The following CSMD3 variants were observed in gnomAD, a reference collection of about 807,000 sequenced individuals.
CSMD3 encodes the protein CUB and Sushi multiple domains 3, also known as CUB and sushi domain-containing protein 3.
Under a neutral mutation model 435.2 loss-of-function variants are expected in CSMD3, and 177 were observed. That is an observed-to-expected ratio of 0.41 (90% CI 0.36 to 0.46). The LOEUF (loss-of-function observed/expected upper bound fraction) is 0.46. CSMD3 is among the 20% of genes least tolerant of loss of function. CSMD3 has a pLI of 0.34. For missense variants in CSMD3, 4,265 were observed against 4,504.6 expected (o/e 0.95, Z 1.52); for synonymous variants, 1,656 against 1,520.5 (o/e 1.09, Z -2.07).
chr8:112,663,375 C>T (rs535010331), intron 17 of CSMD3, among the ~76,000 whole-genome samples: 36 of 151,128 alleles, frequency 2.4e-4, no homozygotes, highest in Non-Finnish European at 4.0e-4. Context: ...TCTCAGCAAA[C>T]TATCGCGAGG....
chr8:112,436,702 T>C (rs932718276), intron 32 of CSMD3, among the ~76,000 whole-genome samples: 1 of 151,696 alleles, frequency 6.6e-6, no homozygotes, highest in Non-Finnish European at 1.5e-5. Context: ...CATATACAGA[T>C]ATACACACAC....
rs778888234 is a variant in CSMD3 at position 112,408,351 on chromosome 8, T to C, written c.5572A>G (p.Ile1858Val). The change falls in exon 34 of 71, where the codon ATA becomes GTA. Residue 1858 changes from isoleucine (I) to valine (V), a missense_variant. Physicochemically the swap from Ile to Val is conservative, Grantham distance 29. Coordinates refer to ENST00000297405, the MANE Select transcript of CSMD3 (RefSeq NM_198123.2). ...ACAAAGTGAAATCCCTTAGCTGTTATTGGTCCAACTGAAGTAAATCGAATT... is the reference window on the plus strand; with the variant it reads ...ACAAAGTGAAATCCCTTAGCTGTTACTGGTCCAACTGAAGTAAATCGAATT... ...ITIRFTSVGP[I>V]TAKGFHFVYQ... 11 of 1,611,158 alleles carry C rather than the reference T, an allele frequency of 6.8e-6. No homozygotes were observed. The highest frequency in any genetic ancestry group is 1.1e-5 in the South Asian group (1 of 91,018).
chr8:113,411,185 T>A (rs1042586051), intron 1 of CSMD3, among the ~76,000 whole-genome samples: 3 of 151,888 alleles, frequency 2.0e-5, no homozygotes, highest in Non-Finnish European at 4.4e-5. Context: ...GTCAGGAAAA[T>A]ATTATGTGAG....
At position 112,265,509 on chromosome 8, in the gene CSMD3, T is replaced by A. The variant is rs2130413567; in HGVS notation, c.9590A>T (p.Tyr3197Phe). The A allele has an allele frequency of 6.2e-7, 1 of 1,613,486 alleles. No individual in the cohort carries two copies. Among genetic ancestry groups the A allele is most frequent in the Non-Finnish European group, 8.5e-7 (1 of 1,179,532 alleles). The change falls in exon 60 of 71, where the codon TAC (tyrosine) becomes TTC (phenylalanine). Residue 3197 changes from tyrosine (Y) to phenylalanine (F), a missense_variant. Physicochemically the swap from Tyr to Phe is conservative, Grantham distance 22. This residue lies in a region of CSMD3 where 3,255 missense variants were observed against 3,380.2 expected (regional missense o/e 0.96). Transcript: ENST00000297405. ...DDYVVGQNVS[Y>F]MCQPGYTMEL... ...CATCGTGTAGCCTGGCTGGCACATG[T>A]AAGAAACATTTTGTCCAACCACATA...
intron 59 of CSMD3, among the ~76,000 whole-genome samples, chr8:112,279,694 T>A (rs1818441979): frequency 6.6e-6 from 1 of 152,148 alleles, no homozygotes; most frequent in Non-Finnish European, 1.5e-5. Flanking sequence ...TGATAAAAAA[T>A]AATTGGCATG....
chr8:112,755,331 A>AAATAAG, intron 13 of CSMD3, among the ~76,000 whole-genome samples: 1 of 128,724 alleles, frequency 7.8e-6, no homozygotes, highest in Non-Finnish European at 1.6e-5. Flanking sequence ...ACTCCGTCTC[A>AAATAAG]AATAATAATA....
chr8:112,392,990 A>G (rs1830570157), intron 35 of CSMD3, among the ~76,000 whole-genome samples: 8 of 151,252 alleles, frequency 5.3e-5, no homozygotes, highest in Non-Finnish European at 1.5e-5. Context: ...CTCAGCCTAC[A>G]GAGTAGCTAG....
chr8:113,131,893 C>T (rs571319214), intron 4 of CSMD3, among the ~76,000 whole-genome samples: 1 of 152,192 alleles, frequency 6.6e-6, no homozygotes, highest in South Asian at 2.1e-4. Context: ...CAAGTTCTCA[C>T]TATTTTGCTC....
chr8:112,605,087 C>G (rs1323767569), intron 22 of CSMD3, among the ~76,000 whole-genome samples: 1 of 152,168 alleles, frequency 6.6e-6, no homozygotes, highest in Non-Finnish European at 1.5e-5. Context: ...GAGATATCAT[C>G]TGACACCAGC....
intron 13 of CSMD3, among the ~76,000 whole-genome samples, chr8:112,797,822 A>G (rs1003837543): frequency 6.6e-6 from 1 of 151,902 alleles, no homozygotes; most frequent in African/African-American, 2.4e-5. Flanking sequence ...ATGCAAAAAC[A>G]TGATTTTCAC....
chr8:112,572,789 A>C (rs946383999), intron 24 of CSMD3, among the ~76,000 whole-genome samples: 4 of 152,102 alleles, frequency 2.6e-5, no homozygotes, highest in Admixed American at 6.6e-5. Context: ...AAGAATCCTG[A>C]ACGGAGTAGA....
chr8:113,352,947 T>G (rs1196622293), intron 1 of CSMD3, among the ~76,000 whole-genome samples: 2 of 152,142 alleles, frequency 1.3e-5, no homozygotes, highest in African/African-American at 2.4e-5. Flanking sequence ...CAATTTCAGT[T>G]TGTGTTTTAA....
intron 1 of CSMD3, among the ~76,000 whole-genome samples, chr8:113,349,374 T>A (rs1489109032): frequency 6.6e-6 from 1 of 152,168 alleles, no homozygotes; most frequent in Non-Finnish European, 1.5e-5. Flanking sequence ...TGAAATTTTA[T>A]CATCACTATT....
intron 12 of CSMD3, among the ~76,000 whole-genome samples, chr8:112,806,669 T>C (rs1216507240): frequency 6.6e-6 from 1 of 152,084 alleles, no homozygotes; most frequent in Non-Finnish European, 1.5e-5. Context: ...GACACTAAGC[T>C]CTGATGAATT....
chr8:113,125,129 A>G (rs949709465), intron 4 of CSMD3, among the ~76,000 whole-genome samples: 12 of 151,954 alleles, frequency 7.9e-5, no homozygotes, highest in African/African-American at 2.9e-4. Flanking sequence ...TCTTCAGGAT[A>G]TAACTCAGAA....
At chr8:113,109,331 C>T (rs933399460) in intron 4 of CSMD3, among the ~76,000 whole-genome samples, 3 of 152,126 alleles carry the variant, frequency 2.0e-5, no homozygotes, top group South Asian at 4.1e-4. Context: ...AGTCCTATTT[C>T]GATATCATCT....
chr8:113,436,915 T>G lies in CSMD3; in HGVS notation c.-61A>C. ...CGGCGCAGTGGAGTTGTTGCTGTTGTTGGTGCGCGGTCACAGCTCGGAGTG... is the reference window on the plus strand; with the variant it reads ...CGGCGCAGTGGAGTTGTTGCTGTTGGTGGTGCGCGGTCACAGCTCGGAGTG... On this transcript the variant is annotated 5_prime_UTR_variant, in exon 1 of 71. Transcript: ENST00000297405. 1 of 1,591,890 alleles carries G rather than the reference T, an allele frequency of 6.3e-7. No individual in the cohort carries two copies. Among genetic ancestry groups the G allele is most frequent in the Non-Finnish European group, 8.6e-7 (1 of 1,162,072 alleles).
chr8:112,953,416 A>G (rs543928208), intron 8 of CSMD3, among the ~76,000 whole-genome samples: 11 of 151,612 alleles, frequency 7.3e-5, no homozygotes, highest in African/African-American at 2.6e-4. Context: ...AAAAACTAAC[A>G]GTATCAATCT....
chr8:112,670,506 T>C (rs2075631296), intron 16 of CSMD3, among the ~76,000 whole-genome samples: 1 of 152,150 alleles, frequency 6.6e-6, no homozygotes, highest in Non-Finnish European at 1.5e-5. Flanking sequence ...AGTTAGAAGA[T>C]TGTTGCAACT....
Sources: gnomAD v4.1 joint callset for allele counts (sites outside exome capture counted in the v4.1 genomes callset) on GRCh38, gnomAD v4.1.1 for gene constraint, gnomAD v4.1.1 regional missense constraint, MANE v1.5 for transcripts, NCBI Gene and HGNC (gene_info 2026-07-23, HGNC 2026-07-21) for gene names.